Variants in KIF13A observed in about 807,000 individuals in gnomAD.
The protein encoded by KIF13A is kinesin family member 13A.
In KIF13A, 79 loss-of-function variants were observed where a neutral mutation model predicts 212.2. The observed-to-expected ratio is 0.37, with a 90% confidence interval of 0.31 to 0.45. The LOEUF (loss-of-function observed/expected upper bound fraction) is 0.45, where lower values mean the gene tolerates loss of function less well. Ranked by LOEUF, KIF13A falls within the 20% of genes least tolerant of loss-of-function variation. The probability of loss-of-function intolerance (pLI) is 1.00; values close to 1 mark genes in which losing one functional copy is unlikely to be tolerated. For missense variants in KIF13A, 1,901 were observed against 2,209.0 expected, an observed-to-expected ratio of 0.86 and a Z score of 2.79; for synonymous variants, 789 against 808.6, an observed-to-expected ratio of 0.98 and a Z score of 0.41.
intron 2 of KIF13A, among the ~76,000 whole-genome samples, chr6:17,922,051 A>G (rs1490473943): frequency 6.6e-6 from 1 of 152,162 alleles, no homozygotes; most frequent in Non-Finnish European, 1.5e-5. Context: ...GCCCACAACA[A>G]TTTAACTCAC....
chr6:17,889,514 T>C (rs1441024511), intron 3 of KIF13A, among the ~76,000 whole-genome samples: 4 of 152,226 alleles, frequency 2.6e-5, no homozygotes, highest in Admixed American at 6.5e-5. Flanking sequence ...AAAAAGAATA[T>C]GATCCTACAC....
At chr6:17,814,814 A>G (rs1763780796) in intron 17 of KIF13A, among the ~76,000 whole-genome samples, 1 of 152,176 alleles carries the variant, frequency 6.6e-6, no homozygotes, top group Non-Finnish European at 1.5e-5. Context: ...AGTGGTGATT[A>G]TTATTATTAC....
intron 12 of KIF13A, 97 bp from the exon 13 acceptor site, chr6:17,831,332 T>C: frequency 7.4e-7 from 1 of 1,354,340 alleles, no homozygotes. Context: ...CTGGGGACAA[T>C]GCCAATGGGA....
rs398000718 is a variant in KIF13A at position 17,977,114 on chromosome 6, C to CAAAAA, written c.146+9935_146+9939dup. Among the ~76,000 whole-genome samples, 188 of 105,998 alleles carry CAAAAA rather than the reference C, an allele frequency of 1.8e-3. 1 individual carries two copies. The highest frequency in any genetic ancestry group is 2.9e-3 in the South Asian group (9 of 3,108). 69.5% of individuals were successfully genotyped at this position (105,998 alleles called of 152,430 possible). ...GAGACTCCGTCTCAAAAAACAACAA[C>CAAAAA]AAAAAAAAAAAAAAAAAAAAAAGAA... On this transcript the variant is annotated intron_variant, in intron 2 of 38. Transcript: ENST00000259711.
At position 17,771,865 on chromosome 6, in the gene KIF13A, A is replaced by G; in HGVS notation, c.4476+43T>C. 1 of 1,599,030 alleles carries G rather than the reference A, an allele frequency of 6.3e-7. No individual in the cohort carries two copies. Among genetic ancestry groups the G allele is most frequent in the East Asian group, 2.2e-5 (1 of 44,712 alleles). ...ACACTGCTGCTTCACAGGTGACACA[A>G]CTCTGCTCTATTCTGCATAGTACAG... On this transcript the variant is annotated intron_variant, in intron 37 of 38. Coordinates refer to ENST00000259711, the MANE Select transcript of KIF13A (RefSeq NM_022113.6). The surrounding 1 kb of genome is among the most constrained non-coding windows in gnomAD (Gnocchi z 5.4).
At chr6:17,765,053 T>C in intron 38 of KIF13A, 107 bp from the exon 39 acceptor site, 1 of 841,104 alleles carries the variant, frequency 1.2e-6, no homozygotes, top group Non-Finnish European at 1.8e-6. Context: ...CACATGGTGT[T>C]CAGTGTTTTC....
intron 3 of KIF13A, chr6:17,882,101 C>A (rs760611326): frequency 2.2e-6 from 1 of 456,686 alleles, no homozygotes; most frequent in South Asian, 1.5e-5. Context: ...TCCATAAAAA[C>A]GAGATGTGAA....
chr6:17,933,280 A>G (rs1328828492), intron 2 of KIF13A, among the ~76,000 whole-genome samples: 5 of 152,082 alleles, frequency 3.3e-5, no homozygotes, highest in Non-Finnish European at 7.4e-5. Flanking sequence ...GAAAGAGTGC[A>G]TACCAACTGC....
intron 29 of KIF13A, among the ~76,000 whole-genome samples, 194 bp from the exon 30 acceptor site, chr6:17,781,495 CATT>C (rs1344746180): frequency 6.6e-6 from 1 of 151,694 alleles, no homozygotes; most frequent in East Asian, 1.9e-4. Context: ...TTTAAAAAAT[CATT>C]ATGTTTAATA....
chr6:17,973,842 G>A (rs1268738865), intron 2 of KIF13A, among the ~76,000 whole-genome samples: 3 of 152,138 alleles, frequency 2.0e-5, no homozygotes, highest in Non-Finnish European at 4.4e-5. Context: ...TGCTAGAATT[G>A]TCACATCATT....
At position 17,857,183 on chromosome 6, in the gene KIF13A, T is replaced by C. The variant is rs77044817; in HGVS notation, c.221-1061A>G. On this transcript the variant is annotated intron_variant, in intron 4 of 38. Transcript: ENST00000259711. Reference sequence around the variant, plus strand: ...ATTTTAGGAGTCTCTTATTATACTATGATATATGATGACTGCAGGATGAGA... The same window carrying C: ...ATTTTAGGAGTCTCTTATTATACTACGATATATGATGACTGCAGGATGAGA... Among the ~76,000 whole-genome samples the C allele has an allele frequency of 3.7e-4, 57 of 152,312 alleles. No individual in the cohort carries two copies. In the East Asian group the frequency reaches 0.011, roughly 28 times the overall value.
Position 17,850,587 on chromosome 6 carries a change from C to T in KIF13A, c.583-130G>A, listed in dbSNP as rs1487983048. ...CACCCTTCCATAGAAACCTCCCTGC[C>T]GCTCCTCCATTGAGCATGGTTTGAG... On this transcript the variant is annotated intron_variant, in intron 7 of 38. Coordinates refer to ENST00000259711, the MANE Select transcript of KIF13A (RefSeq NM_022113.6). This position sits in a 1 kb window ranked among gnomAD's most constrained non-coding sequence, Gnocchi z 6.2. 13 of 847,392 alleles carry T rather than the reference C, an allele frequency of 1.5e-5. No homozygotes were observed. The highest frequency in any genetic ancestry group is 1.1e-4 in the East Asian group (4 of 35,590). 52.5% of individuals were successfully genotyped at this position (847,392 alleles called of 1,614,324 possible).
rs976072227 is a variant in KIF13A, at chr6:17,769,038, A to G, written c.4581+2076T>C. On this transcript the variant is annotated intron_variant, in intron 38 of 38. Coordinates refer to ENST00000259711, the MANE Select transcript of KIF13A (RefSeq NM_022113.6). This position sits in a 1 kb window ranked among gnomAD's most constrained non-coding sequence, Gnocchi z 5.8. Reference sequence around the variant, plus strand: ...TTAGGTGGGTTAAACATTAACAGGAACAATGTCTTGATGCTGTTCTTCTCA... The same window carrying G: ...TTAGGTGGGTTAAACATTAACAGGAGCAATGTCTTGATGCTGTTCTTCTCA... Among the ~76,000 whole-genome samples, 1 of 152,230 alleles carries G rather than the reference A, an allele frequency of 6.6e-6. No individual in the cohort carries two copies. Among genetic ancestry groups the G allele is most frequent in the Admixed American group, 6.5e-5 (1 of 15,276 alleles).
At chr6:17,861,457 A>G (rs1204515508) in intron 4 of KIF13A, among the ~76,000 whole-genome samples, 1 of 152,050 alleles carries the variant, frequency 6.6e-6, no homozygotes, top group Non-Finnish European at 1.5e-5. Flanking sequence ...ATTTCCTTTT[A>G]TTTTTCTGCA....
intron 16 of KIF13A, chr6:17,821,938 T>C (rs1392696694): frequency 6.5e-7 from 1 of 1,534,000 alleles, no homozygotes; most frequent in Admixed American, 2.0e-5. Context: ...GTGAACACCG[T>C]CCAGCCACCG....
chr6:17,831,878 T>G (rs1765485851), intron 12 of KIF13A, among the ~76,000 whole-genome samples: 8 of 151,776 alleles, frequency 5.3e-5, no homozygotes, highest in African/African-American at 2.4e-5. Flanking sequence ...GTAGTAGGTA[T>G]TGATCTCGGG....
In KIF13A at chr6:17,799,516, A is replaced by G; in HGVS notation, c.2617-77T>C. 8.1e-7 allele frequency: 1 copy of G among 1,230,734 alleles called. No individual in the cohort carries two copies. Among genetic ancestry groups the G allele is most frequent in the African/African-American group, 1.5e-5 (1 of 65,838 alleles). The allele number at this position is 1,230,734 out of a possible 1,614,324, so 76.2% of individuals were successfully genotyped here. On this transcript the variant is annotated intron_variant, in intron 21 of 38. Coordinates refer to ENST00000259711, the MANE Select transcript of KIF13A (RefSeq NM_022113.6). This position sits in a 1 kb window ranked among gnomAD's most constrained non-coding sequence, Gnocchi z 4.4. ...TCATTTCAGCTACCTCAAATTTAAG[A>G]GTAAGCGATGAAACAAATTGGTCAT... is the stretch of plus-strand genomic sequence containing the variant.
intron 2 of KIF13A, among the ~76,000 whole-genome samples, chr6:17,975,461 G>T (rs1321779939): frequency 6.6e-6 from 1 of 152,198 alleles, no homozygotes; most frequent in East Asian, 1.9e-4. Context: ...TGAAGCTACA[G>T]ACCTTCAGCG....
At chr6:17,775,748 C>G (rs139104544) in intron 34 of KIF13A, among the ~76,000 whole-genome samples, 70 of 152,258 alleles carry the variant, frequency 4.6e-4, no homozygotes, top group Non-Finnish European at 9.3e-4. Context: ...TATGAGGTCT[C>G]GCTATGTTGC....
Sources: allele counts gnomAD v4.1 joint callset (sites outside exome capture counted in the v4.1 genomes callset), GRCh38; gene constraint gnomAD v4.1.1; non-coding constraint Gnocchi (gnomAD v3.1); transcripts MANE v1.5; gene names NCBI Gene and HGNC (gene_info 2026-07-23, HGNC 2026-07-21).